The following CCDC14 variants were observed in gnomAD, a reference collection of about 807,000 sequenced individuals.
CCDC14 encodes the protein coiled-coil domain containing 14.
In CCDC14, 71 loss-of-function variants were observed where a neutral mutation model predicts 81.4. The ratio of observed to expected loss-of-function variants is 0.87; its 90% CI spans 0.72 to 1.06. CCDC14 has a LOEUF of 1.06. Among genes scored for constraint, CCDC14 ranks in the 50% least tolerant of loss-of-function variants. The pLI, the probability that CCDC14 is intolerant of heterozygous loss-of-function variation, is 0.00. For missense variants in CCDC14, 1,046 were observed against 1,047.3 expected, an observed-to-expected ratio of 1.00 and a Z score of 0.02; for synonymous variants, 332 against 364.8, an observed-to-expected ratio of 0.91 and a Z score of 1.03.
At chr3:123,901,666 A>G (rs2034182562) in intron 5 of CCDC14, among the ~76,000 whole-genome samples, 1 of 152,222 alleles carries the variant, frequency 6.6e-6, no homozygotes, top group Non-Finnish European at 1.5e-5. Flanking sequence ...AGGCATACTC[A>G]GCCATTTATA....
downstream of CCDC14, among the ~76,000 whole-genome samples, chr3:123,892,467 G>T (rs200941001): frequency 7.9e-5 from 12 of 152,304 alleles, no homozygotes; most frequent in East Asian, 2.3e-3. Context: ...TACAGTGAAG[G>T]TCTCTGAACT....
chr3:123,903,714 A>G (rs2034235572), intron 5 of CCDC14, among the ~76,000 whole-genome samples: 1 of 152,166 alleles, frequency 6.6e-6, no homozygotes, highest in South Asian at 2.1e-4. Context: ...ACATATTTCC[A>G]ACTCTCCCTC....
At chr3:123,958,192 T>G (rs1577345646) in intron 1 of CCDC14, 1 of 152,234 alleles carries the variant, frequency 6.6e-6, no homozygotes, top group East Asian at 1.9e-4. Context: ...TCCTTCCCTT[T>G]GGTATATTTA....
At chr3:123,912,554 C>T (rs945078315), downstream of CCDC14, among the ~76,000 whole-genome samples, 20 of 152,116 alleles carry the variant, frequency 1.3e-4, no homozygotes, top group African/African-American at 4.3e-4. Flanking sequence ...GAAAAATTTT[C>T]GTCAATTTGC....
At chr3:123,921,573 C>T (rs12631710) in intron 12 of CCDC14, among the ~76,000 whole-genome samples, 11,055 of 152,046 alleles carry the variant, frequency 0.073, 1,171 homozygotes, top group East Asian at 0.42. Flanking sequence ...TTTCAGTACC[C>T]GGCTCTCAAC....
At chr3:123,901,641 T>G (rs1354996460) in intron 5 of CCDC14, among the ~76,000 whole-genome samples, 1 of 152,160 alleles carries the variant, frequency 6.6e-6, no homozygotes, top group Admixed American at 6.5e-5. Context: ...TACCAAGAAC[T>G]ATAAAATAAA....
At chr3:123,951,260 A>G (rs1158710765) in intron 5 of CCDC14, among the ~76,000 whole-genome samples, 1 of 152,206 alleles carries the variant, frequency 6.6e-6, no homozygotes, top group Non-Finnish European at 1.5e-5. Flanking sequence ...ACTCAATGTT[A>G]AATATCACCA....
intron 9 of CCDC14, among the ~76,000 whole-genome samples, chr3:123,936,766 A>G (rs1326087879): frequency 6.6e-6 from 1 of 152,068 alleles, no homozygotes; most frequent in African/African-American, 2.4e-5. Flanking sequence ...TGGGTGATGT[A>G]ATAACATGTA....
intron 12 of CCDC14, among the ~76,000 whole-genome samples, chr3:123,918,405 G>C (rs4678068): frequency 0.11 from 16,770 of 152,114 alleles, 2,077 homozygotes; most frequent in East Asian, 0.42. Context: ...TCTCCAGCAA[G>C]ATGGTGGAAT....
At chr3:123,950,692 G>C (rs534405684) in intron 5 of CCDC14, among the ~76,000 whole-genome samples, 169 of 152,118 alleles carry the variant, frequency 1.1e-3, no homozygotes, top group Middle Eastern at 6.8e-3. Flanking sequence ...AAAATTGTCT[G>C]TATCTTGATC....
Position 123,934,511 on chromosome 3 carries a change from T to C in CCDC14, c.1344-756A>G, listed in dbSNP as rs2035950498. Among the ~76,000 whole-genome samples the C allele has an allele frequency of 2.6e-5, 4 of 152,132 alleles. No homozygotes were observed. In the South Asian group the frequency reaches 8.3e-4, roughly 31 times the overall value. ...GACTGCTATCAGACATCTATCTGCC[T>C]GATGTTTGTCATATGCTGAAACACA... On this transcript the variant is annotated intron_variant, in intron 9 of 12. Transcript: ENST00000409697.
intron 1 of CCDC14, chr3:123,958,999 T>C (rs1423122552): frequency 6.6e-6 from 1 of 152,194 alleles, no homozygotes; most frequent in African/African-American, 2.4e-5. Context: ...GGTTGAATAA[T>C]AGTCCATTGT....
At position 123,952,422 on chromosome 3, in the gene CCDC14, T is replaced by C. The variant is rs1194147191; in HGVS notation, c.353-3290A>G. ...CCCAAGATGAAGACAGCAATGTATG[T>C]TACTAAAAGCAAAATCATGAAAGCA... On this transcript the variant is annotated intron_variant, in intron 5 of 12. Coordinates refer to ENST00000409697, the MANE Select transcript of CCDC14 (RefSeq NM_001366335.1). 2.6e-5 allele frequency among the ~76,000 whole-genome samples: 4 copies of C among 152,202 alleles called. No individual in the cohort carries two copies. The East Asian group carries it at 7.7e-4, about 29-fold the overall frequency.
chr3:123,956,526 A>G, intron 2 of CCDC14, 99 bp from the exon 3 acceptor site: 1 of 874,658 alleles, frequency 1.1e-6, no homozygotes, highest in Non-Finnish European at 1.8e-6. Flanking sequence ...AGCTTGTCCA[A>G]CCATGTACAA....
chr3:123,909,840 A>C (rs1397964806), downstream of CCDC14, among the ~76,000 whole-genome samples: 1 of 152,208 alleles, frequency 6.6e-6, no homozygotes, highest in Non-Finnish European at 1.5e-5. Context: ...TGGTCATGAG[A>C]CTGAGCTGTC....
chr3:123,916,089 C>T lies in CCDC14; in HGVS notation c.1779-371G>A, dbSNP rs1249482487. Among the ~76,000 whole-genome samples the T allele has an allele frequency of 3.3e-5, 5 of 151,392 alleles. No individual in the cohort carries two copies. The East Asian group carries it at 7.8e-4, about 24-fold the overall frequency. ...TCTCAGCTCACTGAAACTTCTGCCTCCCAGGTTCAAGTGATCCTCTTGCCT... is the reference window on the plus strand; with the variant it reads ...TCTCAGCTCACTGAAACTTCTGCCTTCCAGGTTCAAGTGATCCTCTTGCCT... On this transcript the variant is annotated intron_variant, in intron 12 of 12. Coordinates refer to ENST00000409697, the MANE Select transcript of CCDC14 (RefSeq NM_001366335.1).
At chr3:123,933,632 G>T (rs1423107959) in intron 10 of CCDC14, 41 bp downstream of exon 10, 1 of 1,351,800 alleles carries the variant, frequency 7.4e-7, no homozygotes, top group Admixed American at 2.1e-5. Context: ...CATTTCCGGA[G>T]CCACAAATAA....
intron 12 of CCDC14, among the ~76,000 whole-genome samples, chr3:123,923,762 A>G (rs1484780618): frequency 2.0e-5 from 3 of 151,024 alleles, no homozygotes; most frequent in Non-Finnish European, 4.4e-5. Context: ...GTATATACTA[A>G]AAACTATGAA....
intron 12 of CCDC14, among the ~76,000 whole-genome samples, chr3:123,917,053 CG>C (rs1183939976): frequency 1.3e-5 from 2 of 151,686 alleles, no homozygotes; most frequent in East Asian, 3.9e-4. Flanking sequence ...CTGTGTTAGC[CG>C]GGATGGTCTC....
Sources: gnomAD v4.1 joint callset for allele counts (sites outside exome capture counted in the v4.1 genomes callset) on GRCh38, gnomAD v4.1.1 for gene constraint, MANE v1.5 for transcripts, NCBI Gene and HGNC (gene_info 2026-07-23, HGNC 2026-07-21) for gene names.